Variants in URB1 observed in about 807,000 individuals in gnomAD.
URB1 encodes the protein nucleolar pre-ribosomal-associated protein 1.
In URB1, 197 loss-of-function variants were observed where a neutral mutation model predicts 242.3. The observed-to-expected ratio is 0.81, with a 90% confidence interval of 0.72 to 0.91. The LOEUF (loss-of-function observed/expected upper bound fraction) is 0.91. Among genes scored for constraint, URB1 ranks in the 40% least tolerant of loss-of-function variants. The pLI is 0.00. For synonymous variants in URB1, 1,153 were observed against 1,201.8 expected (o/e 0.96, Z 0.84); for missense variants, 2,721 against 2,860.5 (o/e 0.95, Z 1.11).
At chr21:32,318,833 C>T (rs929830536) in intron 36 of URB1, among the ~76,000 whole-genome samples, 2 of 152,168 alleles carry the variant, frequency 1.3e-5, no homozygotes, top group African/African-American at 4.8e-5. Flanking sequence ...AACACCCTGT[C>T]TTATGTTAGA....
Position 32,312,022 on chromosome 21 carries a change from AG to A in URB1, c.*2895del. The A allele has an allele frequency of 6.2e-7, 1 of 1,612,562 alleles. No homozygotes were observed. The highest frequency in any genetic ancestry group is 8.5e-7 in the Non-Finnish European group (1 of 1,180,020). ...TGTCAGTAAATCGTGGCCATAGCTG[AG>A]TGAACTGGTGAAATCAAGCCAACCT... On this transcript the variant is annotated 3_prime_UTR_variant, in exon 39 of 39. Transcript: ENST00000382751.
chr21:32,373,695 C>T lies in URB1; in HGVS notation c.828G>A (p.Ser276=), dbSNP rs192355871. The change falls in exon 7 of 39, where the codon TCG becomes TCA. Residue 276 remains serine, a synonymous_variant. Coordinates refer to ENST00000382751, the MANE Select transcript of URB1 (RefSeq NM_014825.3). The part of the protein sequence containing the change: ...FTGQLLNHIA[S]LYNWNGITDV... ...CGGTAATCCCATTCCAGTTGTACAG[C>T]GATGCTATGTGGTTCAATAACTGCC... 16 of 1,547,640 alleles carry T rather than the reference C, an allele frequency of 1.0e-5. No individual in the cohort carries two copies. The highest frequency in any genetic ancestry group is 2.5e-5 in the East Asian group (1 of 40,574).
At position 32,375,380 on chromosome 21, in the gene URB1, G is replaced by A. The variant is rs541060915; in HGVS notation, c.750+18C>T. 263 of 1,451,056 alleles carry A rather than the reference G, an allele frequency of 1.8e-4. 5 individuals are homozygous for A. In the South Asian group the frequency reaches 2.9e-3, roughly 16 times the overall value. The allele number at this position is 1,451,056 out of a possible 1,614,324, so 89.9% of individuals were successfully genotyped here. On this transcript the variant is annotated intron_variant, in intron 6 of 38. Transcript: ENST00000382751. ...AAGGGAAAACAGACAACAGAAACGC[G>A]GATCACCAAGCACATACCTTTGTTT... is the stretch of plus-strand genomic sequence containing the variant.
intron 24 of URB1, among the ~76,000 whole-genome samples, chr21:32,342,705 T>TGC (rs59301307): frequency 1 from 148,455 of 148,460 alleles, 74,227 homozygotes; most frequent in Middle Eastern, 1. Context: ...CAGGATCTCC[T>TGC]CTCGCTCCAG....
At position 32,383,508 on chromosome 21, in the gene URB1, C is replaced by T; in HGVS notation, c.481G>A (p.Gly161Ser). The T allele has an allele frequency of 1.3e-6, 2 of 1,551,492 alleles. No individual in the cohort carries two copies. The change falls in exon 4 of 39, where the codon GGT (glycine) becomes AGT (serine). Residue 161 changes from glycine to serine, a missense_variant. Transcript: ENST00000382751. ...LSLMTAMVTQGPEAARDVCSH... is the reference protein window; with the variant it reads ...LSLMTAMVTQSPEAARDVCSH... The stretch of plus-strand genomic sequence containing the variant: ...CAGACGTCCCTGGCAGCTTCCGGAC[C>T]CTGGGTCACCATGGCGGTCATCAGG...
chr21:32,390,558 C>T lies in URB1; in HGVS notation c.142+2211G>A, dbSNP rs558680213. ...GATGAGTAGATTGCAAAAATTTTCT[C>T]CCATTCTGTAGGTCGCCTGTTCACT... is the stretch of plus-strand genomic sequence containing the variant. On this transcript the variant is annotated intron_variant, in intron 1 of 38. Transcript: ENST00000382751. Among the ~76,000 whole-genome samples, 186 of 151,996 alleles carry T rather than the reference C, an allele frequency of 1.2e-3. 1 individual carries two copies. Among genetic ancestry groups the T allele is most frequent in the African/African-American group, 4.0e-3 (166 of 41,472 alleles).
chr21:32,392,115 T>C (rs528198905), intron 1 of URB1, among the ~76,000 whole-genome samples: 12 of 152,226 alleles, frequency 7.9e-5, no homozygotes, highest in Non-Finnish European at 1.8e-4. Context: ...AAACTGCCAC[T>C]GTTTTATTTT....
At chr21:32,370,828 A>G (rs1041266342) in intron 8 of URB1, among the ~76,000 whole-genome samples, 1 of 152,244 alleles carries the variant, frequency 6.6e-6, no homozygotes, top group African/African-American at 2.4e-5. Flanking sequence ...TGCCAAGCCC[A>G]AAATACAATC....
intron 12 of URB1, 44 bp from the exon 13 acceptor site, chr21:32,361,167 G>GAAAGAAAGAAAGAAAGAAAGAA (rs764155369): frequency 1.2e-5 from 7 of 604,528 alleles, no homozygotes; most frequent in African/African-American, 2.1e-5. Context: ...AAAAAAGAAA[G>GAAAGAAAGAAAGAAAGAAAGAA]AAAGAAAGAA....
intron 19 of URB1, among the ~76,000 whole-genome samples, 186 bp from the exon 20 acceptor site, chr21:32,351,108 C>T (rs1356830805): frequency 2.6e-5 from 4 of 152,228 alleles, no homozygotes; most frequent in African/African-American, 7.2e-5. Flanking sequence ...CCATGTCATG[C>T]GTACTTTCCT....
rs1277924101 is a variant in URB1, at chr21:32,385,647, T to C, written c.180A>G (p.Pro60=). 6.4e-7 allele frequency: 1 copy of C among 1,551,746 alleles called. No homozygotes were observed. Among genetic ancestry groups the C allele is most frequent in the Non-Finnish European group, 8.7e-7 (1 of 1,147,002 alleles). The change falls in exon 2 of 39, where the codon CCA becomes CCG. Residue 60 remains proline (P), a synonymous_variant. Transcript: ENST00000382751. The part of the protein sequence containing the change: ...EAFVSAAKKL[P]REDVYDVVEG... ...CCACAACATCATACACATCTTCTCG[T>C]GGTAGCTTCTTGGCAGCAGACACAA...
intron 25 of URB1, among the ~76,000 whole-genome samples, chr21:32,340,827 G>A (rs1194153333): frequency 6.6e-6 from 1 of 152,120 alleles, no homozygotes; most frequent in Non-Finnish European, 1.5e-5. Flanking sequence ...GTAAAGGGGA[G>A]AATAGGGAGA....
chr21:32,322,844 C>T (rs1335192966), intron 32 of URB1, among the ~76,000 whole-genome samples: 1 of 152,216 alleles, frequency 6.6e-6, no homozygotes, highest in Non-Finnish European at 1.5e-5. Context: ...CCCTCCGCCT[C>T]CCCAGCTACC....
intron 7 of URB1, 50 bp downstream of exon 7, chr21:32,373,597 A>G: frequency 6.6e-7 from 1 of 1,511,782 alleles, no homozygotes; most frequent in East Asian, 2.5e-5. Context: ...CCCAACCCTG[A>G]GGATCAAATT....
At chr21:32,328,240 C>T (rs764351013) in intron 30 of URB1, among the ~76,000 whole-genome samples, 7 of 152,184 alleles carry the variant, frequency 4.6e-5, no homozygotes, top group African/African-American at 7.2e-5. Context: ...CGGGTGCAAG[C>T]GATTCTTGTG....
In URB1 at chr21:32,384,486, G is replaced by A. The variant is rs141419971; in HGVS notation, c.283-22C>T. The A allele has an allele frequency of 2.9e-4, 447 of 1,545,416 alleles. 2 individuals carry two copies. In the African/African-American group the frequency reaches 5.4e-3, roughly 19 times the overall value. ...TCGTCTGCAAAGACAGAATTGAAACGCTTAGAAATCGTCTCATTTCCTTTC... is the reference window on the plus strand; with the variant it reads ...TCGTCTGCAAAGACAGAATTGAAACACTTAGAAATCGTCTCATTTCCTTTC... On this transcript the variant is annotated intron_variant, in intron 2 of 38. Coordinates refer to ENST00000382751, the MANE Select transcript of URB1 (RefSeq NM_014825.3).
At chr21:32,391,585 T>C (rs776620472) in intron 1 of URB1, among the ~76,000 whole-genome samples, 32 of 152,322 alleles carry the variant, frequency 2.1e-4, no homozygotes, top group Non-Finnish European at 3.7e-4. Flanking sequence ...TTGACATTTT[T>C]ATTCATCACT....
intron 14 of URB1, among the ~76,000 whole-genome samples, chr21:32,358,784 T>C (rs1205902642): frequency 6.6e-6 from 1 of 152,100 alleles, no homozygotes; most frequent in Non-Finnish European, 1.5e-5. Flanking sequence ...CTGGTGGCAA[T>C]GAACTCACAT....
chr21:32,321,998 T>C (rs2123545669), intron 33 of URB1, 54 bp from the exon 34 acceptor site: 6 of 1,536,144 alleles, frequency 3.9e-6, no homozygotes, highest in Non-Finnish European at 5.3e-6. Context: ...TCCTTTCATC[T>C]GACAACTGTT....
Sources: allele counts gnomAD v4.1 joint callset (sites outside exome capture counted in the v4.1 genomes callset), GRCh38; gene constraint gnomAD v4.1.1; transcripts MANE v1.5; gene names NCBI Gene and HGNC (gene_info 2026-07-23, HGNC 2026-07-21).